The following CCDC171 variants were observed in gnomAD, a reference collection of about 807,000 sequenced individuals.
CCDC171 encodes the protein coiled-coil domain containing 171, also known as coiled-coil domain-containing protein 171.
CCDC171 carries 177 observed loss-of-function variants against 168.2 expected under a neutral mutation model. That is an observed-to-expected ratio of 1.05 (90% CI 0.93 to 1.19). The LOEUF (loss-of-function observed/expected upper bound fraction) is 1.19. Among genes scored for constraint, CCDC171 ranks in the 50% most tolerant of loss-of-function variants. The probability of loss-of-function intolerance (pLI) is 0.00; values close to 1 mark genes in which losing one functional copy is unlikely to be tolerated. For synonymous variants in CCDC171, 687 were observed against 540.8 expected (o/e 1.27, Z -3.75); for missense variants, 1,991 against 1,539.0 (o/e 1.29, Z -4.91).
chr9:16,072,309 C>T, the CCDC171 span, among the ~76,000 whole-genome samples: 2 of 152,160 alleles, frequency 1.3e-5, no homozygotes, highest in South Asian at 2.1e-4. Flanking sequence ...TCTTCCTCTC[C>T]TGACCCTAAC....
chr9:15,699,600 C>T (rs1340239694), intron 11 of CCDC171, among the ~76,000 whole-genome samples: 1 of 151,692 alleles, frequency 6.6e-6, no homozygotes, highest in Non-Finnish European at 1.5e-5. Flanking sequence ...TAGTTAGGTA[C>T]AGAGTGTCGA....
chr9:16,102,488 T>TG, the CCDC171 span, among the ~76,000 whole-genome samples: 587 of 50,006 alleles, frequency 0.012, 4 homozygotes, highest in South Asian at 0.056. Context: ...AAACGTGTGT[T>TG]GGGGGGGGGC....
At chr9:15,811,745 A>G (rs2059366640) in intron 21 of CCDC171, among the ~76,000 whole-genome samples, 1 of 152,196 alleles carries the variant, frequency 6.6e-6, no homozygotes. Flanking sequence ...GATGTGGAAG[A>G]ATGATTAAAA....
At chr9:16,093,167 G>A in the CCDC171 span, among the ~76,000 whole-genome samples, 5 of 152,154 alleles carry the variant, frequency 3.3e-5, no homozygotes, top group Non-Finnish European at 7.4e-5. Flanking sequence ...ACCTGCAAAG[G>A]TAAAAGAAAA....
At chr9:15,888,486 A>G (rs770213) in intron 24 of CCDC171, among the ~76,000 whole-genome samples, 60,024 of 152,012 alleles carry the variant, frequency 0.39, 12,041 homozygotes, top group Non-Finnish European at 0.42. Context: ...ATTTTGAAAC[A>G]TTTCGTCACC....
chr9:15,905,439 A>G (rs1411777585), intron 24 of CCDC171, among the ~76,000 whole-genome samples: 4 of 152,216 alleles, frequency 2.6e-5, no homozygotes, highest in Non-Finnish European at 5.9e-5. Flanking sequence ...ACATAATGAA[A>G]TGAGGGCAGA....
At chr9:15,835,159 A>G (rs1415717652) in intron 21 of CCDC171, among the ~76,000 whole-genome samples, 1 of 152,214 alleles carries the variant, frequency 6.6e-6, no homozygotes. Flanking sequence ...AGCTTAAGAA[A>G]TACTAAGGCC....
chr9:15,627,831 G>C lies in CCDC171; in HGVS notation c.822+4418G>C, dbSNP rs180911296. On this transcript the variant is annotated intron_variant, in intron 7 of 25. Coordinates refer to ENST00000380701, the MANE Select transcript of CCDC171 (RefSeq NM_173550.4). ...TGGAGAGTACCGTAGATGTCTATTAGGTCTGCTTGGTGCAGAGCTGAGTTC... is the reference window on the plus strand; with the variant it reads ...TGGAGAGTACCGTAGATGTCTATTACGTCTGCTTGGTGCAGAGCTGAGTTC... Among the ~76,000 whole-genome samples, 3 of 152,134 alleles carry C rather than the reference G, an allele frequency of 2.0e-5. No homozygotes were observed. The South Asian group carries it at 6.2e-4, about 32-fold the overall frequency.
chr9:15,713,096 A>G (rs1246768454), intron 11 of CCDC171, among the ~76,000 whole-genome samples: 3 of 152,234 alleles, frequency 2.0e-5, no homozygotes, highest in Admixed American at 2.0e-4. Context: ...CCAAACAGTT[A>G]GACACCACAC....
At chr9:15,849,274 C>T (rs1169934970) in intron 23 of CCDC171, among the ~76,000 whole-genome samples, 1 of 151,278 alleles carries the variant, frequency 6.6e-6, no homozygotes, top group Non-Finnish European at 1.5e-5. Flanking sequence ...TGTTTTACCA[C>T]AGTGTCTAAC....
At chr9:15,584,176 A>G (rs1271748302) in intron 4 of CCDC171, among the ~76,000 whole-genome samples, 1 of 152,162 alleles carries the variant, frequency 6.6e-6, no homozygotes, top group Non-Finnish European at 1.5e-5. Flanking sequence ...ATGTTAAGGT[A>G]TAATTTTGTA....
the CCDC171 span, among the ~76,000 whole-genome samples, chr9:16,086,101 A>G: frequency 6.6e-6 from 1 of 151,958 alleles, no homozygotes; most frequent in South Asian, 2.1e-4. Flanking sequence ...TTTGATTTGT[A>G]GGCTATTAAT....
chr9:15,881,542 AC>A (rs1818645786), intron 24 of CCDC171, among the ~76,000 whole-genome samples: 1 of 152,200 alleles, frequency 6.6e-6, no homozygotes, highest in Non-Finnish European at 1.5e-5. Flanking sequence ...AACTGTAGTT[AC>A]CCTACTGATC....
intron 25 of CCDC171, among the ~76,000 whole-genome samples, chr9:15,961,871 A>G (rs1438947417): frequency 6.6e-6 from 1 of 152,196 alleles, no homozygotes; most frequent in Non-Finnish European, 1.5e-5. Flanking sequence ...CAATTCCAAT[A>G]CCACAAAACA....
At chr9:15,612,792 T>C (rs569747345) in intron 6 of CCDC171, among the ~76,000 whole-genome samples, 3 of 152,344 alleles carry the variant, frequency 2.0e-5, no homozygotes, top group Non-Finnish European at 4.4e-5. Flanking sequence ...GTGGCTTTAT[T>C]TTGATCTTCT....
At chr9:15,996,909 G>T (rs1814155398) in intron 3 of CCDC171, among the ~76,000 whole-genome samples, 1 of 152,170 alleles carries the variant, frequency 6.6e-6, no homozygotes, top group Admixed American at 6.5e-5. Context: ...CATGCATTAA[G>T]AAAGAATAAT....
intron 1 of CCDC171, among the ~76,000 whole-genome samples, chr9:16,060,419 T>C (rs2987093): frequency 0.39 from 59,786 of 152,100 alleles, 13,096 homozygotes; most frequent in African/African-American, 0.59. Flanking sequence ...CAACTACAGC[T>C]CTGAGGGCAA....
intron 23 of CCDC171, among the ~76,000 whole-genome samples, chr9:15,870,906 A>G (rs1057070261): frequency 6.6e-6 from 1 of 151,458 alleles, no homozygotes; most frequent in African/African-American, 2.4e-5. Context: ...ATCACTTAAA[A>G]TCTAGAACTG....
At chr9:16,061,452 T>C (rs974086246), downstream of CCDC171, 1 of 152,232 alleles carries the variant, frequency 6.6e-6, no homozygotes, top group Admixed American at 6.5e-5. Context: ...ATTTTGACTT[T>C]GTAGCCTCAT....
Sources: allele counts gnomAD v4.1 joint callset (sites outside exome capture counted in the v4.1 genomes callset), GRCh38; gene constraint gnomAD v4.1.1; transcripts MANE v1.5; gene names NCBI Gene and HGNC (gene_info 2026-07-23, HGNC 2026-07-21).